TPRG1: variants seen among roughly 807,000 people sequenced by gnomAD.
The protein encoded by TPRG1 is tumor protein p63-regulated gene 1 protein.
Under a neutral mutation model 29.3 loss-of-function variants are expected in TPRG1, and 29 were observed. The ratio of observed to expected loss-of-function variants is 0.99; its 90% CI spans 0.74 to 1.35. TPRG1 has a LOEUF of 1.35. Among genes scored for constraint, TPRG1 ranks in the 40% most tolerant of loss-of-function variants. The pLI, the probability that TPRG1 is intolerant of heterozygous loss-of-function variation, is 0.00. For missense variants in TPRG1, 327 were observed against 335.0 expected (o/e 0.98, Z 0.19); for synonymous variants, 130 against 116.8 (o/e 1.11, Z -0.73).
At position 189,026,006 on chromosome 3, in the gene TPRG1, G is replaced by A. The variant is rs76520820; in HGVS notation, c.-463+2060G>A. Among the ~76,000 whole-genome samples the A allele has an allele frequency of 7.9e-5, 12 of 152,200 alleles. No individual in the cohort carries two copies. The East Asian group carries it at 2.3e-3, about 29-fold the overall frequency. On this transcript the variant is annotated intron_variant, in intron 4 of 10. Coordinates refer to the TPRG1 transcript ENST00000433971. ...TATTAGTGCATCACCAAAATTTATA[G>A]GCTTCACAGTCATTGAACACAAGGT... is the stretch of plus-strand genomic sequence containing the variant.
chr3:189,312,147 T>C (rs190491844), intron 5 of TPRG1, among the ~76,000 whole-genome samples: 12,944 of 57,806 alleles, frequency 0.22, 1,548 homozygotes, highest in Middle Eastern at 0.34. Context: ...CTTTCTTTCT[T>C]TCTTTCTTTC....
chr3:189,056,670 C>A (rs1270462613), intron 4 of TPRG1, among the ~76,000 whole-genome samples: 1 of 152,128 alleles, frequency 6.6e-6, no homozygotes, highest in African/African-American at 2.4e-5. Context: ...CATGAAAGTG[C>A]CTAGTATAGG....
intron 4 of TPRG1, among the ~76,000 whole-genome samples, chr3:189,244,776 C>T (rs985607925): frequency 6.6e-6 from 1 of 152,116 alleles, no homozygotes; most frequent in Non-Finnish European, 1.5e-5. Context: ...AGATCCAAAC[C>T]ATATCAGTGA....
chr3:189,237,901 G>T (rs914797030), intron 3 of TPRG1, among the ~76,000 whole-genome samples: 2 of 152,166 alleles, frequency 1.3e-5, no homozygotes, highest in Non-Finnish European at 2.9e-5. Context: ...AAGTCTCGAA[G>T]TGCTGTATCC....
chr3:189,088,968 A>ATGTC (rs373605800), intron 4 of TPRG1, among the ~76,000 whole-genome samples: 2 of 148,882 alleles, frequency 1.3e-5, no homozygotes, highest in African/African-American at 5.0e-5. Flanking sequence ...GTATCTATTG[A>ATGTC]TATCTATCTA....
chr3:189,185,860 TA>T (rs1275369159), intron 1 of TPRG1, among the ~76,000 whole-genome samples: 2 of 152,208 alleles, frequency 1.3e-5, no homozygotes, highest in Non-Finnish European at 2.9e-5. Flanking sequence ...ATGGTATGTA[TA>T]GCTTAGGACC....
intron 1 of TPRG1, among the ~76,000 whole-genome samples, chr3:189,182,599 A>T (rs1730374365): frequency 6.6e-6 from 1 of 152,080 alleles, no homozygotes; most frequent in Admixed American, 6.6e-5. Flanking sequence ...TTGATCCAGC[A>T]CTCCCACTTC....
intron 4 of TPRG1, among the ~76,000 whole-genome samples, chr3:189,280,033 G>A (rs1284260638): frequency 6.6e-6 from 1 of 152,170 alleles, no homozygotes; most frequent in East Asian, 1.9e-4. Context: ...ATTATGGTAT[G>A]GTTGGATAGA....
intron 3 of TPRG1, among the ~76,000 whole-genome samples, chr3:189,006,766 G>C (rs1712309642): frequency 6.6e-6 from 1 of 152,082 alleles, no homozygotes; most frequent in South Asian, 2.1e-4. Context: ...AGTCAGGGGT[G>C]AGCAAACTTT....
intron 5 of TPRG1, among the ~76,000 whole-genome samples, chr3:189,314,278 A>G (rs1454058842): frequency 6.6e-6 from 1 of 152,174 alleles, no homozygotes; most frequent in Non-Finnish European, 1.5e-5. Context: ...CTCAGTACAG[A>G]AAGCTGAACT....
intron 4 of TPRG1, among the ~76,000 whole-genome samples, chr3:189,040,994 T>C (rs1249162311): frequency 4.6e-5 from 7 of 152,330 alleles, no homozygotes; most frequent in Admixed American, 4.6e-4. Context: ...GGTCTTTCCC[T>C]GACTGTTTCC....
intron 5 of TPRG1, among the ~76,000 whole-genome samples, chr3:189,159,864 GT>G (rs1727235891): frequency 7.2e-6 from 1 of 139,698 alleles, no homozygotes; most frequent in Non-Finnish European, 1.6e-5. Flanking sequence ...GTGTGTGTGT[GT>G]GTGGTGGTGG....
chr3:189,307,263 A>T (rs1271813628), intron 4 of TPRG1, among the ~76,000 whole-genome samples: 1 of 152,160 alleles, frequency 6.6e-6, no homozygotes, highest in Non-Finnish European at 1.5e-5. Context: ...ACCTCAGGTG[A>T]TCCACCCACC....
intron 2 of TPRG1, among the ~76,000 whole-genome samples, chr3:189,129,114 A>G (rs1722821426): frequency 1.3e-5 from 2 of 152,312 alleles, no homozygotes; most frequent in East Asian, 3.9e-4. Flanking sequence ...GACTTTATAC[A>G]TATTTCATCA....
chr3:189,027,223 G>T (rs1351823408), intron 4 of TPRG1, among the ~76,000 whole-genome samples: 1 of 152,106 alleles, frequency 6.6e-6, no homozygotes, highest in Non-Finnish European at 1.5e-5. Flanking sequence ...TACTACATTT[G>T]TACCTCAGGC....
chr3:189,035,458 T>C (rs1714201158), intron 4 of TPRG1, among the ~76,000 whole-genome samples: 1 of 152,094 alleles, frequency 6.6e-6, no homozygotes, highest in African/African-American at 2.4e-5. Flanking sequence ...ACTAAAGAGC[T>C]TCTTTCTGCA....
At chr3:189,269,683 G>A (rs1714743154) in intron 4 of TPRG1, among the ~76,000 whole-genome samples, 1 of 152,180 alleles carries the variant, frequency 6.6e-6, no homozygotes, top group Non-Finnish European at 1.5e-5. Context: ...ATAAAAGTAG[G>A]TGAGAAGAAA....
intron 1 of TPRG1, among the ~76,000 whole-genome samples, chr3:189,173,146 G>T (rs902678905): frequency 2.6e-5 from 4 of 151,864 alleles, no homozygotes; most frequent in Admixed American, 2.0e-4. Flanking sequence ...TGCTCAAAAG[G>T]TTATATCATT....
chr3:189,217,248 A>C (rs997510361), intron 3 of TPRG1, among the ~76,000 whole-genome samples: 2 of 152,184 alleles, frequency 1.3e-5, no homozygotes, highest in African/African-American at 4.8e-5. Flanking sequence ...AGTTTTCAGA[A>C]AAGTATGAAC....
Sources: allele counts gnomAD v4.1 joint callset (sites outside exome capture counted in the v4.1 genomes callset), GRCh38; gene constraint gnomAD v4.1.1; transcripts MANE v1.5; gene names NCBI Gene and HGNC (gene_info 2026-07-23, HGNC 2026-07-21).